Variants in RBFOX1 observed in about 807,000 individuals in gnomAD.
RBFOX1 encodes the protein RNA binding protein fox-1 homolog 1.
Under a neutral mutation model 57.7 loss-of-function variants are expected in RBFOX1, and 8 were observed. The observed-to-expected ratio is 0.14, with a 90% CI of 0.08 to 0.25. The LOEUF is 0.25. RBFOX1 is among the 10% of genes least tolerant of loss of function. The pLI, the probability that RBFOX1 is intolerant of heterozygous loss-of-function variation, is 1.00. For synonymous variants in RBFOX1, 326 were observed against 222.4 expected, an observed-to-expected ratio of 1.47 and a Z score of -4.15; for missense variants, 611 against 548.5, an observed-to-expected ratio of 1.11 and a Z score of -1.14.
chr16:6,717,216 T>C (rs1280865902), intron 3 of RBFOX1, among the ~76,000 whole-genome samples: 1 of 151,956 alleles, frequency 6.6e-6, no homozygotes, highest in South Asian at 2.1e-4. Flanking sequence ...GGAAAGCCAG[T>C]GTGAATGCAA....
At chr16:5,928,679 ACTCT>A (rs2058985337) in intron 4 of RBFOX1, among the ~76,000 whole-genome samples, 1 of 135,968 alleles carries the variant, frequency 7.4e-6, no homozygotes, top group African/African-American at 2.8e-5. Flanking sequence ...AGGTGCTTTC[ACTCT>A]CTGTGCTTCT....
At chr16:6,385,165 G>A (rs1019109530) in intron 2 of RBFOX1, among the ~76,000 whole-genome samples, 2 of 152,174 alleles carry the variant, frequency 1.3e-5, no homozygotes, top group Non-Finnish European at 2.9e-5. Flanking sequence ...GATGCTCTCA[G>A]TGTGGACAAG....
At chr16:7,435,618 CAAGAT>C (rs2098715442) in intron 4 of RBFOX1, among the ~76,000 whole-genome samples, 2 of 152,182 alleles carry the variant, frequency 1.3e-5, no homozygotes, top group African/African-American at 4.8e-5. Context: ...GTGGAAAATG[CAAGAT>C]GAACTATTGC....
chr16:6,387,396 A>G (rs914697951), intron 2 of RBFOX1, among the ~76,000 whole-genome samples: 6 of 151,862 alleles, frequency 4.0e-5, no homozygotes, highest in Admixed American at 1.3e-4. Context: ...ACTTCTATTT[A>G]CACTCCTCGG....
chr16:6,562,880 C>CTTTCTTTCTTTCTCT (rs746999419), intron 2 of RBFOX1, among the ~76,000 whole-genome samples: 2 of 51,776 alleles, frequency 3.9e-5, no homozygotes, highest in East Asian at 1.8e-3. Flanking sequence ...TTCTTTCTTT[C>CTTTCTTTCTTTCTCT]TTTTTTTTTT....
At chr16:7,559,311 C>T (rs923440396) in intron 5 of RBFOX1, among the ~76,000 whole-genome samples, 4 of 145,542 alleles carry the variant, frequency 2.7e-5, no homozygotes, top group African/African-American at 1.1e-4. Flanking sequence ...ACATCTCTTT[C>T]TCTCAGTCTC....
chr16:7,066,707 T>G (rs1312322467), intron 4 of RBFOX1, among the ~76,000 whole-genome samples: 1 of 152,200 alleles, frequency 6.6e-6, no homozygotes, highest in Non-Finnish European at 1.5e-5. Flanking sequence ...CAGTCAGGAC[T>G]GAAGTCACTG....
intron 3 of RBFOX1, among the ~76,000 whole-genome samples, chr16:6,872,229 A>G (rs2061046106): frequency 2.0e-5 from 3 of 152,174 alleles, no homozygotes; most frequent in Non-Finnish European, 4.4e-5. Context: ...AGCACATAGT[A>G]GAGATTTAAT....
At chr16:6,979,619 G>A (rs1216578343) in intron 3 of RBFOX1, among the ~76,000 whole-genome samples, 5 of 152,150 alleles carry the variant, frequency 3.3e-5, no homozygotes, top group South Asian at 2.1e-4. Flanking sequence ...TTCACAGTTT[G>A]GGGAGCTCAG....
chr16:7,652,308 G>T (rs191466999), intron 11 of RBFOX1, among the ~76,000 whole-genome samples: 338 of 152,224 alleles, frequency 2.2e-3, no homozygotes, highest in Non-Finnish European at 3.8e-3. Context: ...GTAGTTATCA[G>T]GGGGCTGGGG....
intron 14 of RBFOX1, among the ~76,000 whole-genome samples, chr16:7,708,627 C>T (rs2083273992): frequency 6.6e-6 from 1 of 152,190 alleles, no homozygotes; most frequent in South Asian, 2.1e-4. Flanking sequence ...TTCTGATTCA[C>T]CCTATTTCAC....
chr16:6,142,386 T>G (rs368835891), intron 1 of RBFOX1, among the ~76,000 whole-genome samples: 6 of 151,694 alleles, frequency 4.0e-5, no homozygotes, highest in Non-Finnish European at 8.8e-5. Context: ...CGCACGTGGC[T>G]AATTTTTTGT....
chr16:6,567,842 G>C (rs1380468000), intron 2 of RBFOX1, among the ~76,000 whole-genome samples: 1 of 152,180 alleles, frequency 6.6e-6, no homozygotes, highest in South Asian at 2.1e-4. Context: ...CCTTTTTAGA[G>C]ACAGGGTCTC....
At chr16:6,200,368 G>T (rs2097207352) in intron 1 of RBFOX1, among the ~76,000 whole-genome samples, 1 of 152,052 alleles carries the variant, frequency 6.6e-6, no homozygotes, top group South Asian at 2.1e-4. Context: ...ATGTAGTAGG[G>T]TCACCTGATG....
intron 3 of RBFOX1, among the ~76,000 whole-genome samples, chr16:5,806,605 T>C (rs1202870952): frequency 6.6e-6 from 1 of 152,206 alleles, no homozygotes; most frequent in Non-Finnish European, 1.5e-5. Context: ...GTTGCAAGTC[T>C]GCTTTGCTGT....
intron 4 of RBFOX1, among the ~76,000 whole-genome samples, chr16:7,471,840 G>A (rs2061607279): frequency 6.6e-6 from 1 of 152,164 alleles, no homozygotes; most frequent in South Asian, 2.1e-4. Context: ...CCACAGATTG[G>A]CTGTCACTAA....
At chr16:7,589,422 G>A (rs1452239470) in intron 7 of RBFOX1, among the ~76,000 whole-genome samples, 1 of 152,126 alleles carries the variant, frequency 6.6e-6, no homozygotes, top group East Asian at 1.9e-4. Context: ...CCCATGATTA[G>A]CCTGTCTCTG....
chr16:7,519,998 G>A (rs549102238), intron 5 of RBFOX1, among the ~76,000 whole-genome samples: 30 of 152,168 alleles, frequency 2.0e-4, no homozygotes, highest in African/African-American at 7.0e-4. Flanking sequence ...CCATTCTCCT[G>A]CCTCAGTCTC....
At chr16:7,379,125 T>C (rs543913975) in intron 4 of RBFOX1, among the ~76,000 whole-genome samples, 1 of 152,208 alleles carries the variant, frequency 6.6e-6, no homozygotes, top group Non-Finnish European at 1.5e-5. Context: ...GTAGCCAATG[T>C]CATCACTTGT....
Sources: gnomAD v4.1 joint callset for allele counts (sites outside exome capture counted in the v4.1 genomes callset) on GRCh38, gnomAD v4.1.1 for gene constraint, MANE v1.5 for transcripts, NCBI Gene and HGNC (gene_info 2026-07-23, HGNC 2026-07-21) for gene names.